MFF: variants seen among roughly 807,000 people sequenced by gnomAD.
The protein encoded by MFF is chromosome 2 open reading frame 33.
In MFF, 12 loss-of-function variants were observed where a neutral mutation model predicts 36.9. The observed-to-expected ratio is 0.33, with a 90% CI of 0.21 to 0.53. The LOEUF is 0.53. MFF is among the 20% of genes least tolerant of loss of function. MFF has a pLI of 0.95. For synonymous variants in MFF, 99 were observed against 126.2 expected (o/e 0.78, Z 1.44); for missense variants, 348 against 366.6 (o/e 0.95, Z 0.42).
intron 8 of MFF, among the ~76,000 whole-genome samples, chr2:227,356,256 G>A (rs2076252322): frequency 6.6e-6 from 1 of 152,196 alleles, no homozygotes. Flanking sequence ...AGAAGGCATA[G>A]TTGGTTTTCT....
chr2:227,351,560 T>G (rs902539710), intron 6 of MFF: 2 of 152,222 alleles, frequency 1.3e-5, no homozygotes, highest in African/African-American at 4.8e-5. Context: ...AAATAGGATT[T>G]AATAATTCTT....
intron 6 of MFF, among the ~76,000 whole-genome samples, chr2:227,351,439 T>TA (rs2075991284): frequency 6.6e-6 from 1 of 152,150 alleles, no homozygotes; most frequent in Non-Finnish European, 1.5e-5. Flanking sequence ...TGTGCCAACT[T>TA]ACAGAAAAAA....
chr2:227,327,488 G>T (rs771677816), intron 1 of MFF, among the ~76,000 whole-genome samples: 7 of 74,986 alleles, frequency 9.3e-5, no homozygotes, highest in Non-Finnish European at 1.9e-4. Context: ...GGATAATACA[G>T]TGTTAAATCT....
In MFF at chr2:227,337,392, A is replaced by G. The variant is rs2075085369; in HGVS notation, c.352-2900A>G. Among the ~76,000 whole-genome samples, 3 of 152,344 alleles carry G rather than the reference A, an allele frequency of 2.0e-5. No individual in the cohort carries two copies. The South Asian group carries it at 6.2e-4, about 32-fold the overall frequency. On this transcript the variant is annotated intron_variant, in intron 4 of 8. Transcript: ENST00000304593. The stretch of plus-strand genomic sequence containing the variant: ...TTTGTACCTTTCCCCCTTCTGCATA[A>G]AAGTCCCACAGAAAATGGGGGTGAG...
intron 2 of MFF, chr2:227,330,057 T>TC (rs1341910664): frequency 3.7e-6 from 1 of 270,386 alleles, no homozygotes; most frequent in Non-Finnish European, 6.9e-6. Flanking sequence ...TGCATCTCAG[T>TC]CATTAGGAGA....
intron 4 of MFF, among the ~76,000 whole-genome samples, chr2:227,333,588 G>GT (rs1229740865): frequency 6.6e-6 from 1 of 152,150 alleles, no homozygotes; most frequent in Non-Finnish European, 1.5e-5. Flanking sequence ...TGTCTGTCTG[G>GT]TTTCAGCAGG....
At chr2:227,352,621 T>G (rs2076057708) in intron 7 of MFF, 48 bp downstream of exon 7, 1 of 1,418,992 alleles carries the variant, frequency 7.0e-7, no homozygotes, top group African/African-American at 1.7e-5. Flanking sequence ...TTGGCGGAAT[T>G]TGTGTGTTGC....
At chr2:227,347,002 T>C (rs890805995) in intron 5 of MFF, 40 of 415,116 alleles carry the variant, frequency 9.6e-5, no homozygotes, top group African/African-American at 6.5e-4. Context: ...ATTCAGTTTA[T>C]TTATTTTGAT....
chr2:227,335,490 A>G (rs1157841590), intron 4 of MFF, among the ~76,000 whole-genome samples: 5 of 152,226 alleles, frequency 3.3e-5, no homozygotes, highest in South Asian at 4.1e-4. Context: ...ACACTTCAAC[A>G]TGGTTAAAAT....
chr2:227,347,485 C>A, intron 6 of MFF, 101 bp downstream of exon 6: 2 of 931,464 alleles, frequency 2.1e-6, no homozygotes, highest in Non-Finnish European at 3.3e-6. Flanking sequence ...ACCTTCTAGC[C>A]TCTTTCTAAG....
chr2:227,327,200 G>T (rs1247003747), intron 1 of MFF, among the ~76,000 whole-genome samples: 1 of 152,044 alleles, frequency 6.6e-6, no homozygotes, highest in African/African-American at 2.4e-5. Context: ...CATGAAGTTG[G>T]CAAGTTAGTT....
At chr2:227,343,465 T>C (rs1444338504) in intron 5 of MFF, among the ~76,000 whole-genome samples, 2 of 152,216 alleles carry the variant, frequency 1.3e-5, no homozygotes, top group Non-Finnish European at 2.9e-5. Flanking sequence ...CCTCTTATTC[T>C]GGTTCTATTA....
At chr2:227,335,096 C>T (rs545551455) in intron 4 of MFF, among the ~76,000 whole-genome samples, 32 of 145,334 alleles carry the variant, frequency 2.2e-4, no homozygotes, top group Admixed American at 1.8e-3. Flanking sequence ...ACTTGAACCC[C>T]GGGGTGGAGG....
At chr2:227,346,563 T>C (rs1280730824) in intron 5 of MFF, among the ~76,000 whole-genome samples, 1 of 152,214 alleles carries the variant, frequency 6.6e-6, no homozygotes, top group Non-Finnish European at 1.5e-5. Flanking sequence ...TTAAGAAGTG[T>C]CCTTGCCTTC....
chr2:227,331,707 C>G (rs2074581011), intron 3 of MFF, among the ~76,000 whole-genome samples: 1 of 152,144 alleles, frequency 6.6e-6, no homozygotes, highest in South Asian at 2.1e-4. Context: ...GCGTGTAGTG[C>G]CATCTTGCGA....
intron 4 of MFF, among the ~76,000 whole-genome samples, chr2:227,333,702 A>C (rs1265556829): frequency 6.6e-6 from 1 of 152,250 alleles, no homozygotes; most frequent in Non-Finnish European, 1.5e-5. Context: ...ATAAAACAAA[A>C]GTATCCAGTG....
chr2:227,343,415 T>C (rs1289693340), intron 5 of MFF, among the ~76,000 whole-genome samples: 1 of 152,194 alleles, frequency 6.6e-6, no homozygotes, highest in South Asian at 2.1e-4. Context: ...AATACACTTC[T>C]TAAGCAACAG....
In MFF at chr2:227,342,617, T is replaced by C. The variant is rs1190720077; in HGVS notation, c.440+2237T>C. 9.1e-6 allele frequency: 6 copies of C among 662,416 alleles called. No individual in the cohort carries two copies. The African/African-American group carries it at 9.3e-5, about 10-fold the overall frequency. 41.0% of individuals were successfully genotyped at this position (662,416 alleles called of 1,614,324 possible). Reference sequence around the variant, plus strand: ...ACTAGCCTTTGTTTTCTTAATTACTTCGAAGAGGCAATAAGATTGTGGTCA... The same window carrying C: ...ACTAGCCTTTGTTTTCTTAATTACTCCGAAGAGGCAATAAGATTGTGGTCA... On this transcript the variant is annotated intron_variant, in intron 5 of 8. Transcript: ENST00000304593.
At position 227,342,714 on chromosome 2, in the gene MFF, A is replaced by G. The variant is rs769445244; in HGVS notation, c.440+2334A>G. On this transcript the variant is annotated intron_variant, in intron 5 of 8. Coordinates refer to ENST00000304593, the MANE Select transcript of MFF (RefSeq NM_001277062.2). ...TTTTTCTTTGTGTTATAAAAGCTGA[A>G]TATGTAAAAGAAGCATAATTATTAT... is the stretch of plus-strand genomic sequence containing the variant. 9 of 1,556,788 alleles carry G rather than the reference A, an allele frequency of 5.8e-6. No homozygotes were observed. In the East Asian group the frequency reaches 1.3e-4, roughly 23 times the overall value.
Sources: allele counts gnomAD v4.1 joint callset (sites outside exome capture counted in the v4.1 genomes callset), GRCh38; gene constraint gnomAD v4.1.1; transcripts MANE v1.5; gene names NCBI Gene and HGNC (gene_info 2026-07-23, HGNC 2026-07-21).